The following PCDHAC2 variants were observed in gnomAD, a reference collection of about 807,000 sequenced individuals.
PCDHAC2 encodes the protein protocadherin alpha subfamily C, 2.
PCDHAC2 carries 24 observed loss-of-function variants against 63.3 expected under a neutral mutation model. The observed-to-expected ratio is 0.38, with a 90% CI of 0.27 to 0.53. The LOEUF (loss-of-function observed/expected upper bound fraction) is 0.53. Among genes scored for constraint, PCDHAC2 ranks in the 20% least tolerant of loss-of-function variants. The probability of loss-of-function intolerance (pLI) is 0.81; values close to 1 mark genes in which losing one functional copy is unlikely to be tolerated. For synonymous variants in PCDHAC2, 569 were observed against 529.4 expected, an observed-to-expected ratio of 1.07 and a Z score of -1.03; for missense variants, 1,181 against 1,275.2, an observed-to-expected ratio of 0.93 and a Z score of 1.12.
chr5:140,973,803 G>C (rs1232498397), intron 1 of PCDHAC2, among the ~76,000 whole-genome samples: 2 of 152,214 alleles, frequency 1.3e-5, no homozygotes, highest in African/African-American at 2.4e-5. Flanking sequence ...CTGTCTACTT[G>C]ACAGAATAGC....
intron 1 of PCDHAC2, among the ~76,000 whole-genome samples, chr5:140,973,299 T>C (rs1191449890): frequency 1.3e-5 from 2 of 152,198 alleles, no homozygotes; most frequent in African/African-American, 4.8e-5. Flanking sequence ...TTCTATCTGA[T>C]GACTCTATCC....
At position 141,010,340 on chromosome 5, in the gene PCDHAC2, C is replaced by T. The variant is rs1400539624; in HGVS notation, c.*403C>T. 2 of 1,533,798 alleles carry T rather than the reference C, an allele frequency of 1.3e-6. No homozygotes were observed. Among genetic ancestry groups the T allele is most frequent in the Non-Finnish European group, 1.8e-6 (2 of 1,140,544 alleles). On this transcript the variant is annotated 3_prime_UTR_variant, in exon 4 of 4. Coordinates refer to ENST00000289269, the MANE Select transcript of PCDHAC2 (RefSeq NM_018899.6). ...TGAGCAGCTTGGGAGTTTGTGGCCA[C>T]TGGGTATGTGTGGCTACCGCGGGTA...
rs782032459 is a variant in PCDHAC2 at position 140,967,789 on chromosome 5, T to A, written c.1023T>A (p.Gly341=). Residue 341 remains glycine, a synonymous_variant, in exon 1 of 4, where the codon GGT becomes GGA. Coordinates refer to ENST00000289269, the MANE Select transcript of PCDHAC2 (RefSeq NM_018899.6). Reference sequence around the variant, plus strand: ...TCTATGTGCAGGCGACTGACCGGGGTCCAGTGCCCATGGCAGGTCACTGCA... The same window carrying A: ...TCTATGTGCAGGCGACTGACCGGGGACCAGTGCCCATGGCAGGTCACTGCA... ...YQIYVQATDR[G]PVPMAGHCKV... 1.2e-6 allele frequency: 2 copies of A among 1,614,076 alleles called. No individual in the cohort carries two copies. The highest frequency in any genetic ancestry group is 1.7e-6 in the Non-Finnish European group (2 of 1,180,006).
chr5:141,005,308 TA>T (rs1345689314), intron 3 of PCDHAC2, among the ~76,000 whole-genome samples: 4 of 152,214 alleles, frequency 2.6e-5, no homozygotes, highest in Non-Finnish European at 4.4e-5. Context: ...TTGTGAATCT[TA>T]CAGTGGTAGA....
At chr5:140,989,665 T>G (rs2097353443) in intron 3 of PCDHAC2, among the ~76,000 whole-genome samples, 2 of 152,190 alleles carry the variant, frequency 1.3e-5, no homozygotes, top group South Asian at 4.1e-4. Flanking sequence ...TAAAAGAAAC[T>G]CTGCCCAGAT....
At chr5:141,006,894 A>G (rs781832084) in intron 3 of PCDHAC2, among the ~76,000 whole-genome samples, 6 of 152,212 alleles carry the variant, frequency 3.9e-5, no homozygotes, top group African/African-American at 7.2e-5. Context: ...TTGATTTCAG[A>G]TTTCTTCAGT....
intron 3 of PCDHAC2, among the ~76,000 whole-genome samples, chr5:140,991,572 G>A (rs782016422): frequency 1.3e-4 from 20 of 152,144 alleles, no homozygotes; most frequent in Non-Finnish European, 2.9e-4. Flanking sequence ...TCCAATAACA[G>A]GCTCCTTATT....
Position 140,982,278 on chromosome 5 carries a change from A to G in PCDHAC2, c.2625-197A>G, listed in dbSNP as rs997424016. On this transcript the variant is annotated intron_variant, in intron 2 of 3. Transcript: ENST00000289269. ...ATGTGTGTTCCTGGAATAGTATAGC[A>G]GGCAATAAGTAAGTCAGCAATGCTT... 8.2e-6 allele frequency: 8 copies of G among 980,114 alleles called. No homozygotes were observed. In the South Asian group the frequency reaches 1.1e-4, roughly 14 times the overall value. The allele number at this position is 980,114 out of a possible 1,614,324, so 60.7% of individuals were successfully genotyped here.
chr5:140,987,043 A>G (rs1406153632), intron 3 of PCDHAC2, among the ~76,000 whole-genome samples: 5 of 151,912 alleles, frequency 3.3e-5, no homozygotes, highest in Non-Finnish European at 7.4e-5. Flanking sequence ...GCGAAACCCC[A>G]TCTCTACTAA....
At chr5:140,981,017 G>T (rs782757397) in intron 2 of PCDHAC2, among the ~76,000 whole-genome samples, 42 of 152,076 alleles carry the variant, frequency 2.8e-4, no homozygotes, top group Non-Finnish European at 5.3e-4. Flanking sequence ...ACACTTGAAG[G>T]CTGTTAATAT....
At chr5:140,999,947 G>A (rs993598998) in intron 3 of PCDHAC2, among the ~76,000 whole-genome samples, 1 of 152,110 alleles carries the variant, frequency 6.6e-6, no homozygotes, top group Non-Finnish European at 1.5e-5. Flanking sequence ...CACCCAAAGA[G>A]GGTGAAATAC....
chr5:140,988,062 A>G (rs1032842011), intron 3 of PCDHAC2, among the ~76,000 whole-genome samples: 1 of 152,114 alleles, frequency 6.6e-6, no homozygotes, highest in Non-Finnish European at 1.5e-5. Context: ...GTCAACATGA[A>G]TTTTTCTATT....
intron 1 of PCDHAC2, among the ~76,000 whole-genome samples, chr5:140,978,254 A>T (rs2096794173): frequency 6.6e-6 from 1 of 152,228 alleles, no homozygotes; most frequent in Non-Finnish European, 1.5e-5. Context: ...TCCCTGTTAA[A>T]CAATCAGAGC....
intron 3 of PCDHAC2, among the ~76,000 whole-genome samples, chr5:140,988,630 G>A (rs184253041): frequency 3.1e-4 from 47 of 152,192 alleles, no homozygotes; most frequent in African/African-American, 1.1e-3. Context: ...AGATGTCCTG[G>A]TTTTCTGAAA....
At chr5:140,974,009 A>C (rs1554235749) in intron 1 of PCDHAC2, among the ~76,000 whole-genome samples, 2 of 152,236 alleles carry the variant, frequency 1.3e-5, no homozygotes, top group African/African-American at 4.8e-5. Flanking sequence ...TGTTTTGTGC[A>C]TGTGATAATA....
At chr5:140,999,837 A>G (rs2097878885) in intron 3 of PCDHAC2, among the ~76,000 whole-genome samples, 2 of 152,206 alleles carry the variant, frequency 1.3e-5, no homozygotes, top group South Asian at 2.1e-4. Flanking sequence ...AAATATGCCA[A>G]GTGTATTTAT....
chr5:141,006,504 C>T (rs911793343), intron 3 of PCDHAC2, among the ~76,000 whole-genome samples: 4 of 152,022 alleles, frequency 2.6e-5, no homozygotes, highest in East Asian at 1.9e-4. Flanking sequence ...TGAGCCACCG[C>T]GCCTGGCTGT....
chr5:140,999,987 G>T (rs1033618024), intron 3 of PCDHAC2, among the ~76,000 whole-genome samples: 6 of 152,042 alleles, frequency 3.9e-5, no homozygotes, highest in Non-Finnish European at 7.4e-5. Context: ...CGGCCTCTGG[G>T]TAGTGGTATT....
chr5:141,010,265 G>A lies in PCDHAC2; in HGVS notation c.*328G>A, dbSNP rs1554262846. ...GTTGGACTCTCTGCCCTGTGCTCCGGGGATCCTGTCTTGATGACACTTGCA... is the reference window on the plus strand; with the variant it reads ...GTTGGACTCTCTGCCCTGTGCTCCGAGGATCCTGTCTTGATGACACTTGCA... On this transcript the variant is annotated 3_prime_UTR_variant, in exon 4 of 4. Coordinates refer to ENST00000289269, the MANE Select transcript of PCDHAC2 (RefSeq NM_018899.6). 6.4e-7 allele frequency: 1 copy of A among 1,551,726 alleles called. No homozygotes were observed. The highest frequency in any genetic ancestry group is 8.7e-7 in the Non-Finnish European group (1 of 1,147,006).
Sources: allele counts gnomAD v4.1 joint callset (sites outside exome capture counted in the v4.1 genomes callset), GRCh38; gene constraint gnomAD v4.1.1; transcripts MANE v1.5; gene names NCBI Gene and HGNC (gene_info 2026-07-23, HGNC 2026-07-21).